Variants in RAB38 observed in about 807,000 individuals in gnomAD.
The protein encoded by RAB38 is ras-related protein Rab-38.
A neutral mutation model predicts 18.4 loss-of-function variants in RAB38; 15 were observed. That is an observed-to-expected ratio of 0.82 (90% CI 0.55 to 1.26). The LOEUF is 1.26. Among genes scored for constraint, RAB38 ranks in the 50% most tolerant of loss-of-function variants. RAB38 has a pLI of 0.00. For synonymous variants in RAB38, 101 were observed against 104.4 expected, an observed-to-expected ratio of 0.97 and a Z score of 0.20; for missense variants, 294 against 267.4, an observed-to-expected ratio of 1.10 and a Z score of -0.69.
chr11:88,092,915 A>G, the RAB38 span, among the ~76,000 whole-genome samples: 2 of 151,820 alleles, frequency 1.3e-5, no homozygotes, highest in Admixed American at 6.6e-5. Context: ...AGATCACACA[A>G]GAAGGCAAGG....
the RAB38 span, among the ~76,000 whole-genome samples, chr11:87,904,052 T>A: frequency 6.6e-6 from 1 of 151,754 alleles, no homozygotes; most frequent in Non-Finnish European, 1.5e-5. Flanking sequence ...TATTATATCC[T>A]TTTTCTTGTT....
At chr11:87,811,456 C>T in the RAB38 span, among the ~76,000 whole-genome samples, 2 of 152,180 alleles carry the variant, frequency 1.3e-5, no homozygotes, top group Non-Finnish European at 2.9e-5. Context: ...AAAATACCTA[C>T]ACAATTGGCC....
At chr11:88,004,183 T>C in the RAB38 span, among the ~76,000 whole-genome samples, 2 of 149,418 alleles carry the variant, frequency 1.3e-5, no homozygotes, top group African/African-American at 4.9e-5. Context: ...CACACATCCT[T>C]CATGAATACA....
In RAB38 at chr11:88,132,014, T is replaced by C. The variant is rs140115874; in HGVS notation, c.483+17661A>G. Among the ~76,000 whole-genome samples the C allele has an allele frequency of 6.6e-5, 10 of 152,174 alleles. No individual in the cohort carries two copies. In the East Asian group the frequency reaches 1.7e-3, roughly 26 times the overall value. On this transcript the variant is annotated intron_variant, in intron 2 of 2. Transcript: ENST00000243662. ...AGTCCTACAACCACAAGGAACTGAG[T>C]TCTGCCAACAACCTGAATGAGCATA... is the stretch of plus-strand genomic sequence containing the variant.
the RAB38 span, among the ~76,000 whole-genome samples, chr11:87,808,800 T>G: frequency 6.6e-6 from 1 of 152,072 alleles, no homozygotes; most frequent in African/African-American, 2.4e-5. Flanking sequence ...TCTATAAAGT[T>G]AAAAAGATAA....
chr11:87,842,915 A>C, the RAB38 span, among the ~76,000 whole-genome samples: 1 of 152,126 alleles, frequency 6.6e-6, no homozygotes, highest in Non-Finnish European at 1.5e-5. Flanking sequence ...AATTTGTCTC[A>C]ATGAGAAGTG....
At chr11:87,871,329 C>T in the RAB38 span, among the ~76,000 whole-genome samples, 31 of 151,718 alleles carry the variant, frequency 2.0e-4, no homozygotes, top group Non-Finnish European at 3.7e-4. Flanking sequence ...GCTAGACTGA[C>T]TCAACTAAGG....
the RAB38 span, among the ~76,000 whole-genome samples, chr11:88,080,849 AGGAAGGAG>A: frequency 2.6e-4 from 29 of 111,172 alleles, no homozygotes; most frequent in South Asian, 2.4e-3. Flanking sequence ...GAAGGAAGGA[AGGAAGGAG>A]GGAGGGAGGG....
the RAB38 span, among the ~76,000 whole-genome samples, chr11:87,936,904 T>C: frequency 6.6e-6 from 1 of 152,114 alleles, no homozygotes; most frequent in South Asian, 2.1e-4. Context: ...GTAATTTCTA[T>C]GTATACAACC....
the RAB38 span, among the ~76,000 whole-genome samples, chr11:87,941,360 C>G: frequency 2.0e-5 from 3 of 151,094 alleles, no homozygotes; most frequent in Non-Finnish European, 4.4e-5. Context: ...TCATCGCAGT[C>G]TGTCTGGATT....
chr11:88,019,941 T>C, the RAB38 span, among the ~76,000 whole-genome samples: 2 of 152,184 alleles, frequency 1.3e-5, no homozygotes, highest in Non-Finnish European at 2.9e-5. Flanking sequence ...CTTTGAATCA[T>C]GAACTTCTCT....
At chr11:87,846,883 T>C in the RAB38 span, among the ~76,000 whole-genome samples, 1 of 152,056 alleles carries the variant, frequency 6.6e-6, no homozygotes, top group Non-Finnish European at 1.5e-5. Context: ...GCAGTAACTA[T>C]AGAGTTAAAC....
At chr11:88,045,301 G>A in the RAB38 span, among the ~76,000 whole-genome samples, 2 of 152,240 alleles carry the variant, frequency 1.3e-5, no homozygotes, top group Non-Finnish European at 2.9e-5. Flanking sequence ...GGTGTACAAT[G>A]TTAGGGTAGA....
chr11:87,977,982 C>T, the RAB38 span, among the ~76,000 whole-genome samples: 3 of 105,826 alleles, frequency 2.8e-5, no homozygotes, highest in South Asian at 3.0e-4. Context: ...TATATAAATA[C>T]ATATCTTATA....
chr11:88,139,044 A>G (rs2134808842), intron 2 of RAB38, among the ~76,000 whole-genome samples: 1 of 152,208 alleles, frequency 6.6e-6, no homozygotes, highest in South Asian at 2.1e-4. Context: ...TCCGCCTCCC[A>G]AAGTGCTGGG....
At chr11:87,939,673 C>T in the RAB38 span, among the ~76,000 whole-genome samples, 1 of 151,708 alleles carries the variant, frequency 6.6e-6, no homozygotes, top group Admixed American at 6.6e-5. Context: ...GCCTGGGCAA[C>T]ATGGTGAGAC....
At chr11:88,037,112 C>T in the RAB38 span, among the ~76,000 whole-genome samples, 1 of 151,918 alleles carries the variant, frequency 6.6e-6, no homozygotes, top group South Asian at 2.1e-4. Flanking sequence ...GATTTTTGAG[C>T]AGGTAGTTGT....
At chr11:88,117,354 G>A (rs1480251176) in intron 2 of RAB38, among the ~76,000 whole-genome samples, 1 of 152,190 alleles carries the variant, frequency 6.6e-6, no homozygotes, top group Non-Finnish European at 1.5e-5. Context: ...CCAGATCTCT[G>A]TAGAGCCTTG....
At chr11:88,075,532 C>A in the RAB38 span, among the ~76,000 whole-genome samples, 1 of 152,048 alleles carries the variant, frequency 6.6e-6, no homozygotes, top group Non-Finnish European at 1.5e-5. Context: ...TGGGATATAG[C>A]AAACGTAGTA....
Sources: allele counts gnomAD v4.1 joint callset (sites outside exome capture counted in the v4.1 genomes callset), GRCh38; gene constraint gnomAD v4.1.1; transcripts MANE v1.5; gene names NCBI Gene and HGNC (gene_info 2026-07-23, HGNC 2026-07-21).